Variants in F2RL1 observed in about 807,000 individuals in gnomAD.
F2RL1 encodes F2R like trypsin receptor 1.
F2RL1 carries 16 observed loss-of-function variants against 21.7 expected under a neutral mutation model. The observed-to-expected ratio is 0.74, with a 90% CI of 0.50 to 1.12. F2RL1 has a LOEUF of 1.12. F2RL1 is among the 50% of genes most tolerant of loss of function. The pLI, the probability that F2RL1 is intolerant of heterozygous loss-of-function variation, is 0.00. For missense variants in F2RL1, 432 were observed against 477.8 expected (o/e 0.90, Z 0.89); for synonymous variants, 181 against 186.7 (o/e 0.97, Z 0.25).
chr5:76,830,607 T>C (rs190782233), intron 1 of F2RL1, among the ~76,000 whole-genome samples: 153 of 152,286 alleles, frequency 1.0e-3, no homozygotes, highest in African/African-American at 3.2e-3. Context: ...ACACTTGTCA[T>C]TGGATTTAGG....
chr5:76,829,316 T>C (rs913619166), intron 1 of F2RL1, among the ~76,000 whole-genome samples: 3 of 151,684 alleles, frequency 2.0e-5, no homozygotes, highest in Non-Finnish European at 4.4e-5. Context: ...TGGCTGGTCT[T>C]GAACTCCTGG....
chr5:76,828,719 CT>C (rs1418002504), intron 1 of F2RL1, among the ~76,000 whole-genome samples: 4 of 151,650 alleles, frequency 2.6e-5, no homozygotes, highest in Non-Finnish European at 5.9e-5. Context: ...GTCTCAAACT[CT>C]TGGCCTCGAG....
At chr5:76,819,989 A>C (rs529044082) in intron 1 of F2RL1, among the ~76,000 whole-genome samples, 1 of 152,186 alleles carries the variant, frequency 6.6e-6, no homozygotes, top group South Asian at 2.1e-4. Flanking sequence ...TACGAGCGGA[A>C]CTTTTTGGAC....
In F2RL1 at chr5:76,833,350, T is replaced by C. The variant is rs372892444; in HGVS notation, c.743T>C (p.Ile248Thr). The C allele has an allele frequency of 8.1e-6, 13 of 1,613,800 alleles. No individual in the cohort carries two copies. Among genetic ancestry groups the C allele is most frequent in the African/African-American group, 8.0e-5 (6 of 74,864 alleles). Residue 248 changes from isoleucine to threonine, a missense_variant, in exon 2 of 2, where the codon ATT (isoleucine) becomes ACT (threonine). Physicochemically the swap from Ile to Thr is moderately conservative, Grantham distance 89. Coordinates refer to ENST00000296677, the MANE Select transcript of F2RL1 (RefSeq NM_005242.6). ...DMFNYFLSLA[I>T]GVFLFPAFLT... ...TTCAATTACTTCCTCTCTCTGGCCA[T>C]TGGGGTCTTTCTGTTCCCAGCCTTC... is the stretch of plus-strand genomic sequence containing the variant.
At position 76,819,282 on chromosome 5, in the gene F2RL1, G is replaced by A; in HGVS notation, c.82+18G>A. On this transcript the variant is annotated intron_variant, in intron 1 of 1. Transcript: ENST00000296677. The stretch of plus-strand genomic sequence containing the variant: ...CATCCAAGGTGAGAAACCTGGCCAA[G>A]GAGGGCTCTTATCTCTGAGGAGCTG... 1 of 1,580,214 alleles carries A rather than the reference G, an allele frequency of 6.3e-7. No homozygotes were observed. The highest frequency in any genetic ancestry group is 8.5e-7 in the Non-Finnish European group (1 of 1,171,828).
chr5:76,828,652 A>T (rs1750289938), intron 1 of F2RL1, among the ~76,000 whole-genome samples: 1 of 146,616 alleles, frequency 6.8e-6, no homozygotes, highest in African/African-American at 2.5e-5. Flanking sequence ...TGCCTGGCTA[A>T]TTTTTTTTTT....
chr5:76,822,281 G>A (rs774447436), intron 1 of F2RL1, among the ~76,000 whole-genome samples: 3 of 151,942 alleles, frequency 2.0e-5, no homozygotes, highest in Admixed American at 1.3e-4. Flanking sequence ...GCAGTGGCAC[G>A]ATCTCGGCTC....
At chr5:76,821,231 C>A (rs905214757) in intron 1 of F2RL1, among the ~76,000 whole-genome samples, 15 of 152,186 alleles carry the variant, frequency 9.9e-5, no homozygotes, top group African/African-American at 3.6e-4. Context: ...CAGGGCTTCT[C>A]TTTCCCTTTA....
intron 1 of F2RL1, among the ~76,000 whole-genome samples, chr5:76,822,491 T>C (rs1285378478): frequency 6.6e-6 from 1 of 152,202 alleles, no homozygotes; most frequent in East Asian, 1.9e-4. Context: ...GTGCTGGGAT[T>C]ATAGGCATGA....
intron 1 of F2RL1, among the ~76,000 whole-genome samples, chr5:76,830,002 A>T (rs1169114460): frequency 3.3e-5 from 5 of 152,234 alleles, no homozygotes; most frequent in Non-Finnish European, 7.3e-5. Context: ...TGTGGCTACC[A>T]TAGCAAATTG....
chr5:76,826,809 T>G (rs1415171536), intron 1 of F2RL1, among the ~76,000 whole-genome samples: 1 of 152,170 alleles, frequency 6.6e-6, no homozygotes, highest in East Asian at 1.9e-4. Flanking sequence ...TTCCATTGTA[T>G]GGATATACTG....
In F2RL1 at chr5:76,833,856, G is replaced by A. The variant is rs529274010; in HGVS notation, c.*55G>A. On this transcript the variant is annotated 3_prime_UTR_variant, in exon 2 of 2. Transcript: ENST00000296677. ...CAGTAGGATGTGGAACCTGTTTAAT[G>A]TTATGAGGACGTGTCTGTTATTTCC... The A allele has an allele frequency of 6.5e-7, 1 of 1,548,626 alleles. No individual in the cohort carries two copies. The highest frequency in any genetic ancestry group is 1.2e-5 in the South Asian group (1 of 83,274).
At position 76,821,559 on chromosome 5, in the gene F2RL1, G is replaced by GTT. The variant is rs149802566; in HGVS notation, c.82+2303_82+2304dup. 3.3e-3 allele frequency among the ~76,000 whole-genome samples: 479 copies of GTT among 143,000 alleles called. 1 individual carries two copies. The highest frequency in any genetic ancestry group is 0.023 in the South Asian group (104 of 4,516). 93.8% of individuals were successfully genotyped at this position (143,000 alleles called of 152,430 possible). A position where few individuals can be genotyped will look rare whatever the true frequency, so the allele number is the denominator to read the frequency against. On this transcript the variant is annotated intron_variant, in intron 1 of 1. Transcript: ENST00000296677. ...TGTTTTCTTTATAATTGGTTTGGTG[G>GTT]TTTTTTTTTGTTTTTTTGGTTTTTT...
chr5:76,819,167 CG>C lies in F2RL1; in HGVS notation c.-12del. 1 of 1,568,644 alleles carries C rather than the reference CG, an allele frequency of 6.4e-7. No homozygotes were observed. The highest frequency in any genetic ancestry group is 8.6e-7 in the Non-Finnish European group (1 of 1,166,274). On this transcript the variant is annotated 5_prime_UTR_variant, in exon 1 of 2. Coordinates refer to ENST00000296677, the MANE Select transcript of F2RL1 (RefSeq NM_005242.6). ...GGCGGATTCCCCGCGCGCCCGGCGT[CG>C]GGGCTTCCAGGAGGATGCGGAGCCC...
At chr5:76,824,087 C>G (rs1750192369) in intron 1 of F2RL1, among the ~76,000 whole-genome samples, 1 of 151,598 alleles carries the variant, frequency 6.6e-6, no homozygotes, top group East Asian at 1.9e-4. Context: ...GCTGGGATTA[C>G]AGGCGTGAGC....
intron 1 of F2RL1, among the ~76,000 whole-genome samples, chr5:76,827,053 G>A (rs574246058): frequency 1.8e-4 from 28 of 151,916 alleles, no homozygotes; most frequent in African/African-American, 6.8e-4. Flanking sequence ...GTTCTGCTCT[G>A]TTGCCCAGGC....
At position 76,833,765 on chromosome 5, in the gene F2RL1, C is replaced by G; in HGVS notation, c.1158C>G (p.Tyr386Ter). 6.2e-7 allele frequency: 1 copy of G among 1,614,066 alleles called. No homozygotes were observed. Among genetic ancestry groups the G allele is most frequent in the Non-Finnish European group, 8.5e-7 (1 of 1,180,016 alleles). Residue 386 changes from tyrosine to a stop codon, truncating the protein, a stop_gained, in exon 2 of 2, where the codon TAC becomes TAG. Transcript: ENST00000296677. LOFTEE classifies it high-confidence loss of function. ...SKKHSRKSSS[Y>*]SSSSTTVKTS... ...AACACTCCAGGAAATCCAGCTCTTA[C>G]TCTTCAAGTTCAACCACTGTTAAGA...
chr5:76,830,280 C>G (rs1750327417), intron 1 of F2RL1, among the ~76,000 whole-genome samples: 2 of 152,166 alleles, frequency 1.3e-5, no homozygotes, highest in Admixed American at 1.3e-4. Flanking sequence ...CTGCTTTTCT[C>G]TCTGTTTTGT....
intron 1 of F2RL1, among the ~76,000 whole-genome samples, chr5:76,823,044 C>G (rs1394567218): frequency 6.6e-6 from 1 of 152,120 alleles, no homozygotes; most frequent in Non-Finnish European, 1.5e-5. Flanking sequence ...TCCTGGCTAA[C>G]ATGGTGAAAC....
Sources: allele counts gnomAD v4.1 joint callset (sites outside exome capture counted in the v4.1 genomes callset), GRCh38; gene constraint gnomAD v4.1.1; transcripts MANE v1.5; gene names NCBI Gene and HGNC (gene_info 2026-07-23, HGNC 2026-07-21).